VSNL1: variants seen among roughly 807,000 people sequenced by gnomAD.
VSNL1 encodes the protein visinin like 1, also known as visinin-like protein 1.
A neutral mutation model predicts 20.4 loss-of-function variants in VSNL1; 6 were observed. That is an observed-to-expected ratio of 0.29 (90% CI 0.16 to 0.58). The LOEUF (loss-of-function observed/expected upper bound fraction) is 0.58. Ranked by LOEUF, VSNL1 falls within the 20% of genes least tolerant of loss-of-function variation. The pLI is 0.90. For synonymous variants in VSNL1, 93 were observed against 86.4 expected, an observed-to-expected ratio of 1.08 and a Z score of -0.42; for missense variants, 100 against 234.5, an observed-to-expected ratio of 0.43 and a Z score of 3.75.
At chr2:17,619,565 T>G (rs1665304599) in intron 2 of VSNL1, among the ~76,000 whole-genome samples, 1 of 152,100 alleles carries the variant, frequency 6.6e-6, no homozygotes, top group South Asian at 2.1e-4. Flanking sequence ...TGGTGGAAAG[T>G]TTGGGCACTG....
At chr2:17,545,588 C>T (rs960208557) in intron 1 of VSNL1, among the ~76,000 whole-genome samples, 11 of 152,262 alleles carry the variant, frequency 7.2e-5, no homozygotes, top group African/African-American at 2.6e-4. Context: ...GGGACCACAT[C>T]ATTGCATTTC....
chr2:17,579,914 TGGA>T (rs914071733), intron 1 of VSNL1, among the ~76,000 whole-genome samples: 2 of 152,166 alleles, frequency 1.3e-5, no homozygotes, highest in African/African-American at 2.4e-5. Context: ...GTGATGAATA[TGGA>T]GGAGAAGCTC....
intron 2 of VSNL1, among the ~76,000 whole-genome samples, chr2:17,647,330 C>G (rs2103427986): frequency 6.6e-6 from 1 of 152,226 alleles, no homozygotes; most frequent in Non-Finnish European, 1.5e-5. Context: ...CATAGAAATG[C>G]TGGCGGGTAA....
intron 2 of VSNL1, among the ~76,000 whole-genome samples, chr2:17,607,630 A>G (rs978099370): frequency 1.3e-5 from 2 of 152,224 alleles, no homozygotes; most frequent in African/African-American, 2.4e-5. Flanking sequence ...TCCCTATAGC[A>G]CAGGTCCCTT....
chr2:17,593,054 A>G (rs1664631488), intron 2 of VSNL1, among the ~76,000 whole-genome samples: 1 of 152,210 alleles, frequency 6.6e-6, no homozygotes, highest in Non-Finnish European at 1.5e-5. Flanking sequence ...GCTTTATATC[A>G]TTTAATTAGC....
intron 1 of VSNL1, among the ~76,000 whole-genome samples, chr2:17,582,792 G>T (rs1441809360): frequency 6.6e-6 from 1 of 151,798 alleles, no homozygotes; most frequent in African/African-American, 2.4e-5. Context: ...GCAGGCAGAT[G>T]AATACATTAT....
In VSNL1 at chr2:17,563,394, T is replaced by C. The variant is rs192357913; in HGVS notation, c.-6+22476T>C. Among the ~76,000 whole-genome samples the C allele has an allele frequency of 9.0e-4, 137 of 152,306 alleles. 1 individual carries two copies. Among genetic ancestry groups the C allele is most frequent in the African/African-American group, 3.2e-3 (131 of 41,584 alleles). On this transcript the variant is annotated intron_variant, in intron 1 of 3. Transcript: ENST00000295156. Reference sequence around the variant, plus strand: ...TTGTAGCTGGGGGTGTTTAGCTATGTGTGGCATCAGTCAGTACTGTATGGA... The same window carrying C: ...TTGTAGCTGGGGGTGTTTAGCTATGCGTGGCATCAGTCAGTACTGTATGGA...
intron 2 of VSNL1, among the ~76,000 whole-genome samples, chr2:17,609,144 C>G (rs1050798526): frequency 3.9e-5 from 6 of 152,176 alleles, no homozygotes; most frequent in African/African-American, 1.4e-4. Flanking sequence ...TAGCTGTGCT[C>G]TGTGAGTCCT....
chr2:17,549,275 C>A (rs1663472132), intron 1 of VSNL1, among the ~76,000 whole-genome samples: 1 of 152,170 alleles, frequency 6.6e-6, no homozygotes, highest in Non-Finnish European at 1.5e-5. Flanking sequence ...CCTATCAGAA[C>A]CTTCATTTGC....
intron 2 of VSNL1, among the ~76,000 whole-genome samples, chr2:17,593,422 T>C (rs1482131363): frequency 1.3e-5 from 2 of 152,174 alleles, no homozygotes; most frequent in African/African-American, 4.8e-5. Context: ...GAAATAGAAA[T>C]TTTTAAAAAT....
At chr2:17,590,566 C>A (rs1238956083) in intron 1 of VSNL1, among the ~76,000 whole-genome samples, 1 of 152,054 alleles carries the variant, frequency 6.6e-6, no homozygotes, top group Admixed American at 6.6e-5. Context: ...TTAATGGTAT[C>A]ATCTGACTGC....
chr2:17,601,563 G>A (rs1283248945), intron 2 of VSNL1, among the ~76,000 whole-genome samples: 2 of 152,000 alleles, frequency 1.3e-5, no homozygotes, highest in Non-Finnish European at 2.9e-5. Flanking sequence ...TTAAACCTAG[G>A]AGGCAGCAGT....
At chr2:17,599,624 T>C (rs1664783445) in intron 2 of VSNL1, among the ~76,000 whole-genome samples, 1 of 152,230 alleles carries the variant, frequency 6.6e-6, no homozygotes, top group Admixed American at 6.5e-5. Flanking sequence ...TCTCTCTCTC[T>C]TGTCTTCTTT....
chr2:17,554,470 T>C (rs1663625832), intron 1 of VSNL1, among the ~76,000 whole-genome samples: 5 of 152,212 alleles, frequency 3.3e-5, no homozygotes, highest in Admixed American at 3.3e-4. Context: ...TGTCATTGTC[T>C]AGGATTAGAT....
intron 1 of VSNL1, among the ~76,000 whole-genome samples, chr2:17,569,274 T>C (rs867443761): frequency 1.3e-5 from 2 of 149,500 alleles, no homozygotes; most frequent in Non-Finnish European, 3.0e-5. Context: ...ACAACTGTAC[T>C]CCAGCCTGGG....
chr2:17,610,185 T>C (rs1665051506), intron 2 of VSNL1, among the ~76,000 whole-genome samples: 1 of 152,234 alleles, frequency 6.6e-6, no homozygotes, highest in Admixed American at 6.5e-5. Flanking sequence ...ACAGAATGAC[T>C]GTTTGATCTT....
chr2:17,636,578 G>A (rs1356371457), intron 2 of VSNL1, among the ~76,000 whole-genome samples: 2 of 152,182 alleles, frequency 1.3e-5, no homozygotes, highest in Non-Finnish European at 2.9e-5. Context: ...TGTGAGTAAT[G>A]ACACATGTAC....
At chr2:17,556,281 A>G (rs1287359417) in intron 1 of VSNL1, among the ~76,000 whole-genome samples, 1 of 152,214 alleles carries the variant, frequency 6.6e-6, no homozygotes, top group Non-Finnish European at 1.5e-5. Context: ...TACATCAGTT[A>G]TTATAAGAAC....
At chr2:17,648,843 GT>G (rs1325409058) in intron 2 of VSNL1, among the ~76,000 whole-genome samples, 1 of 152,178 alleles carries the variant, frequency 6.6e-6, no homozygotes, top group Non-Finnish European at 1.5e-5. Context: ...TTTTTAATGA[GT>G]TTTAAATGTC....
Sources: gnomAD v4.1 joint callset for allele counts (sites outside exome capture counted in the v4.1 genomes callset) on GRCh38, gnomAD v4.1.1 for gene constraint, MANE v1.5 for transcripts, NCBI Gene and HGNC (gene_info 2026-07-23, HGNC 2026-07-21) for gene names.